PDE8B: variants seen among roughly 807,000 people sequenced by gnomAD.
PDE8B encodes the protein phosphodiesterase 8B.
PDE8B carries 26 observed loss-of-function variants against 101.3 expected under a neutral mutation model. The ratio of observed to expected loss-of-function variants is 0.26; its 90% confidence interval spans 0.19 to 0.36. PDE8B has a LOEUF of 0.36. PDE8B is among the 10% of genes least tolerant of loss of function. The pLI is 1.00. For missense variants in PDE8B, 810 were observed against 1,163.1 expected, an observed-to-expected ratio of 0.70 and a Z score of 4.42; for synonymous variants, 424 against 429.3, an observed-to-expected ratio of 0.99 and a Z score of 0.15.
At chr5:77,380,039 G>T (rs540571914) in intron 10 of PDE8B, among the ~76,000 whole-genome samples, 1 of 152,144 alleles carries the variant, frequency 6.6e-6, no homozygotes, top group Non-Finnish European at 1.5e-5. Flanking sequence ...ATAAGTCAAC[G>T]TTTAAAGCTA....
intron 1 of PDE8B, among the ~76,000 whole-genome samples, chr5:77,230,287 A>G (rs545887217): frequency 2.7e-4 from 41 of 152,298 alleles, no homozygotes; most frequent in African/African-American, 4.8e-5. Context: ...CAGAAAAACT[A>G]TATTGGTATT....
intron 1 of PDE8B, among the ~76,000 whole-genome samples, chr5:77,306,477 A>T (rs1239694377): frequency 6.6e-6 from 1 of 152,212 alleles, no homozygotes; most frequent in African/African-American, 2.4e-5. Flanking sequence ...AGGAGTACTG[A>T]GGAGAGAAAT....
At chr5:77,173,380 T>C in the PDE8B span, among the ~76,000 whole-genome samples, 1 of 152,238 alleles carries the variant, frequency 6.6e-6, no homozygotes, top group East Asian at 1.9e-4. Flanking sequence ...TGGTCTATAT[T>C]AACACTGATT....
At chr5:77,158,237 G>C in the PDE8B span, among the ~76,000 whole-genome samples, 1,766 of 152,282 alleles carry the variant, frequency 0.012, 21 homozygotes, top group Non-Finnish European at 0.02. Context: ...GACAACGTGT[G>C]GGGAGAGAAA....
At chr5:77,272,065 T>C (rs1762919514) in intron 1 of PDE8B, among the ~76,000 whole-genome samples, 1 of 152,170 alleles carries the variant, frequency 6.6e-6, no homozygotes, top group African/African-American at 2.4e-5. Flanking sequence ...CTGGAAACCC[T>C]GGTCTAAACT....
At chr5:77,354,497 C>T (rs149765931) in intron 10 of PDE8B, among the ~76,000 whole-genome samples, 77 of 152,292 alleles carry the variant, frequency 5.1e-4, no homozygotes, top group Admixed American at 3.9e-3. Flanking sequence ...TTCCAACAGA[C>T]ATTTTGCTAC....
intron 6 of PDE8B, among the ~76,000 whole-genome samples, chr5:77,343,308 C>A (rs1779548169): frequency 6.6e-6 from 1 of 152,148 alleles, no homozygotes; most frequent in African/African-American, 2.4e-5. Flanking sequence ...TGTCATTGTG[C>A]AAACATCATA....
chr5:77,333,493 A>G (rs534714008), intron 5 of PDE8B, among the ~76,000 whole-genome samples: 3 of 152,316 alleles, frequency 2.0e-5, no homozygotes, highest in South Asian at 2.1e-4. Context: ...GTGTGAGGAC[A>G]TAGATTTTCC....
intron 20 of PDE8B, among the ~76,000 whole-genome samples, chr5:77,423,838 T>C (rs528038488): frequency 1.3e-5 from 2 of 151,966 alleles, no homozygotes; most frequent in Non-Finnish European, 2.9e-5. Flanking sequence ...GGTTTCCCTG[T>C]GTTGCCCAGG....
upstream of PDE8B, among the ~76,000 whole-genome samples, chr5:77,208,138 C>T (rs1747654496): frequency 6.6e-6 from 1 of 152,134 alleles, no homozygotes; most frequent in Admixed American, 6.5e-5. Context: ...TTCTGGGTGA[C>T]TTCTAGCTTC....
the PDE8B span, among the ~76,000 whole-genome samples, chr5:77,137,789 G>C: frequency 6.6e-6 from 1 of 152,124 alleles, no homozygotes; most frequent in Non-Finnish European, 1.5e-5. Flanking sequence ...TTATGTGGGG[G>C]TAAAATGGCT....
At chr5:77,251,549 T>C (rs1323015813) in intron 1 of PDE8B, among the ~76,000 whole-genome samples, 1 of 152,242 alleles carries the variant, frequency 6.6e-6, no homozygotes, top group Admixed American at 6.5e-5. Context: ...CCTGAGTCCA[T>C]GGATTGATGT....
At chr5:77,297,200 T>C (rs1768789488) in intron 1 of PDE8B, among the ~76,000 whole-genome samples, 1 of 152,172 alleles carries the variant, frequency 6.6e-6, no homozygotes, top group African/African-American at 2.4e-5. Flanking sequence ...ATAACAGCAT[T>C]AATCCATTCC....
At chr5:77,288,503 C>T (rs1412861597) in intron 1 of PDE8B, among the ~76,000 whole-genome samples, 1 of 152,112 alleles carries the variant, frequency 6.6e-6, no homozygotes, top group Non-Finnish European at 1.5e-5. Context: ...ATTGGAGAGT[C>T]GGCCCAAGAA....
chr5:77,199,585 A>G, the PDE8B span, among the ~76,000 whole-genome samples: 1 of 152,200 alleles, frequency 6.6e-6, no homozygotes, highest in African/African-American at 2.4e-5. Flanking sequence ...TGAGAAATGC[A>G]GTACATGTAG....
intron 6 of PDE8B, among the ~76,000 whole-genome samples, chr5:77,338,707 G>T (rs1778626202): frequency 6.6e-6 from 1 of 152,076 alleles, no homozygotes; most frequent in African/African-American, 2.4e-5. Flanking sequence ...TTAATTGAAG[G>T]TTAAAAGACT....
chr5:77,312,899 C>T (rs1449241050), intron 2 of PDE8B, among the ~76,000 whole-genome samples: 1 of 152,120 alleles, frequency 6.6e-6, no homozygotes, highest in Non-Finnish European at 1.5e-5. Context: ...GATACAAGGC[C>T]CAACCACCTG....
At chr5:77,090,632 G>A in the PDE8B span, among the ~76,000 whole-genome samples, 2 of 152,146 alleles carry the variant, frequency 1.3e-5, no homozygotes, top group Non-Finnish European at 1.5e-5. Flanking sequence ...ACATATATAT[G>A]AGATCATGCA....
At chr5:77,424,811 G>GT (rs1004087096) in intron 20 of PDE8B, among the ~76,000 whole-genome samples, 11 of 111,318 alleles carry the variant, frequency 9.9e-5, no homozygotes, top group South Asian at 5.5e-4. Flanking sequence ...AACTGGTTCT[G>GT]TTTTTTTGTT....
Sources: allele counts gnomAD v4.1 joint callset (sites outside exome capture counted in the v4.1 genomes callset), GRCh38; gene constraint gnomAD v4.1.1; transcripts MANE v1.5; gene names NCBI Gene and HGNC (gene_info 2026-07-23, HGNC 2026-07-21).